The following AP2B1 variants were observed in gnomAD, a reference collection of about 807,000 sequenced individuals.
The protein encoded by AP2B1 is adaptor related protein complex 2 subunit beta 1.
A neutral mutation model predicts 102.0 loss-of-function variants in AP2B1; 23 were observed. The ratio of observed to expected loss-of-function variants is 0.23; its 90% CI spans 0.16 to 0.32. AP2B1 has a LOEUF of 0.32. AP2B1 is among the 10% of genes least tolerant of loss of function. The pLI is 1.00. For missense variants in AP2B1, 541 were observed against 1,157.4 expected (o/e 0.47, Z 7.73); for synonymous variants, 381 against 421.2 (o/e 0.90, Z 1.17).
chr17:35,691,623 C>A (rs1269778926), intron 18 of AP2B1, among the ~76,000 whole-genome samples: 2 of 152,176 alleles, frequency 1.3e-5, no homozygotes, highest in African/African-American at 4.8e-5. Context: ...ATAATGAGTC[C>A]TTGAAGTGGT....
intron 12 of AP2B1, among the ~76,000 whole-genome samples, chr17:35,646,115 G>C (rs1336977398): frequency 6.6e-6 from 1 of 152,190 alleles, no homozygotes; most frequent in African/African-American, 2.4e-5. Context: ...TATAGTTTAA[G>C]AATTACTGTT....
intron 20 of AP2B1, among the ~76,000 whole-genome samples, chr17:35,714,765 G>C (rs1443574650): frequency 1.3e-5 from 2 of 152,044 alleles, no homozygotes; most frequent in East Asian, 1.9e-4. Flanking sequence ...TTGAACGAAG[G>C]GTAACTATAT....
At chr17:35,686,993 A>C (rs2075949206) in intron 18 of AP2B1, among the ~76,000 whole-genome samples, 2 of 152,194 alleles carry the variant, frequency 1.3e-5, no homozygotes, top group African/African-American at 2.4e-5. Context: ...AAAAGAAAAG[A>C]AAAACCCAGT....
At chr17:35,661,353 G>C (rs1327555738) in intron 14 of AP2B1, among the ~76,000 whole-genome samples, 3 of 152,156 alleles carry the variant, frequency 2.0e-5, no homozygotes, top group Admixed American at 1.3e-4. Flanking sequence ...TAATCTTGCA[G>C]CCAGTGTTGA....
Position 35,631,647 on chromosome 17 carries a change from A to G in AP2B1, c.1155+3921A>G, listed in dbSNP as rs151041606. Among the ~76,000 whole-genome samples, 19 of 152,238 alleles carry G rather than the reference A, an allele frequency of 1.2e-4. 1 individual carries two copies. In the East Asian group the frequency reaches 1.3e-3, roughly 11 times the overall value. On this transcript the variant is annotated intron_variant, in intron 9 of 21. Transcript: ENST00000610402. ...ATGTCATCTTTAGTTTCTGGTTTAT[A>G]GACATAACGTGATTACTTGATAACT... is the stretch of plus-strand genomic sequence containing the variant.
intron 13 of AP2B1, among the ~76,000 whole-genome samples, chr17:35,651,313 TTA>T (rs1229273825): frequency 6.6e-6 from 1 of 152,218 alleles, no homozygotes; most frequent in African/African-American, 2.4e-5. Flanking sequence ...CTATGTGGAC[TTA>T]GTTTTTCAGT....
chr17:35,591,079 C>T (rs1221637666), intron 1 of AP2B1, among the ~76,000 whole-genome samples: 1 of 145,510 alleles, frequency 6.9e-6, no homozygotes, highest in Non-Finnish European at 1.5e-5. Context: ...AAGGCTAAGG[C>T]AGGAGAATCA....
chr17:35,669,780 C>T lies in AP2B1; in HGVS notation c.1990-1077C>T, dbSNP rs113216184. 3.1e-4 allele frequency among the ~76,000 whole-genome samples: 47 copies of T among 152,248 alleles called. No homozygotes were observed. In the East Asian group the frequency reaches 6.2e-3, roughly 20 times the overall value. Reference sequence around the variant, plus strand: ...ATGCAAAATAATTTTTACAGCTCAACGACCTGCAACTTTCTACCACTAAAT... The same window carrying T: ...ATGCAAAATAATTTTTACAGCTCAATGACCTGCAACTTTCTACCACTAAAT... On this transcript the variant is annotated intron_variant, in intron 14 of 21. Coordinates refer to ENST00000610402, the MANE Select transcript of AP2B1 (RefSeq NM_001030006.2).
chr17:35,614,864 T>G (rs1598045341), intron 5 of AP2B1, among the ~76,000 whole-genome samples: 1 of 152,296 alleles, frequency 6.6e-6, no homozygotes, highest in Non-Finnish European at 1.5e-5. Flanking sequence ...GTATGTATTT[T>G]GACTATGTGC....
At position 35,701,999 on chromosome 17, in the gene AP2B1, A is replaced by G. The variant is rs587635120; in HGVS notation, c.2455-7225A>G. Among the ~76,000 whole-genome samples, 10 of 152,352 alleles carry G rather than the reference A, an allele frequency of 6.6e-5. No individual in the cohort carries two copies. The South Asian group carries it at 1.4e-3, about 22-fold the overall frequency. ...TTGTATAGTTTATTTTACAACTGTT[A>G]TTCTTACTCAGCACCTATTCTGTGC... is the stretch of plus-strand genomic sequence containing the variant. On this transcript the variant is annotated intron_variant, in intron 18 of 21. Coordinates refer to ENST00000610402, the MANE Select transcript of AP2B1 (RefSeq NM_001030006.2).
At chr17:35,640,715 G>T (rs1319374543) in intron 11 of AP2B1, among the ~76,000 whole-genome samples, 2 of 152,192 alleles carry the variant, frequency 1.3e-5, no homozygotes, top group Non-Finnish European at 2.9e-5. Flanking sequence ...TGTCTTACAA[G>T]GTTCAGGGTG....
At chr17:35,631,115 G>T (rs867404108) in intron 9 of AP2B1, among the ~76,000 whole-genome samples, 53 of 152,164 alleles carry the variant, frequency 3.5e-4, no homozygotes, top group African/African-American at 1.2e-3. Context: ...CTATTTTTTT[G>T]TTCAATAACT....
chr17:35,624,194 G>A (rs568917334), intron 5 of AP2B1, among the ~76,000 whole-genome samples: 2 of 152,190 alleles, frequency 1.3e-5, no homozygotes, highest in South Asian at 4.1e-4. Context: ...TTTAATTCTG[G>A]GTTGCCTTAC....
At chr17:35,592,091 G>T (rs1032994007) in intron 1 of AP2B1, among the ~76,000 whole-genome samples, 7 of 152,082 alleles carry the variant, frequency 4.6e-5, no homozygotes, top group African/African-American at 1.7e-4. Context: ...ATTTGAACCA[G>T]AAGTTTTTCA....
chr17:35,655,854 TTATAGTTTTAATTTGC>T (rs1034284243), intron 13 of AP2B1, among the ~76,000 whole-genome samples: 2 of 152,218 alleles, frequency 1.3e-5, no homozygotes, highest in African/African-American at 4.8e-5. Flanking sequence ...TGGTGTCTTG[TTATAGTTTTAATTTGC>T]ATTTTCCTGA....
intron 16 of AP2B1, among the ~76,000 whole-genome samples, chr17:35,673,017 T>C (rs184146713): frequency 6.0e-4 from 92 of 152,318 alleles, no homozygotes; most frequent in African/African-American, 2.0e-3. Context: ...TTTGAATCCG[T>C]ATATCTACTG....
chr17:35,691,752 A>G (rs1160508398), intron 18 of AP2B1, among the ~76,000 whole-genome samples: 2 of 152,216 alleles, frequency 1.3e-5, no homozygotes, highest in Non-Finnish European at 2.9e-5. Flanking sequence ...TTCCATAAGC[A>G]GTATGTAGGT....
At chr17:35,682,072 C>A (rs1052611332) in intron 17 of AP2B1, among the ~76,000 whole-genome samples, 56 of 152,054 alleles carry the variant, frequency 3.7e-4, no homozygotes, top group African/African-American at 1.4e-3. Flanking sequence ...CTGGCCAACA[C>A]GGTGAAACCC....
At position 35,623,288 on chromosome 17, in the gene AP2B1, G is replaced by T. The variant is rs181093893; in HGVS notation, c.526-1109G>T. Among the ~76,000 whole-genome samples, 518 of 152,204 alleles carry T rather than the reference G, an allele frequency of 3.4e-3. 4 individuals are homozygous for T. The highest frequency in any genetic ancestry group is 6.9e-3 in the Admixed American group (106 of 15,284). ...TATAAGGTAGCAATTTTTCAGCCGG[G>T]CATGGTGGCTCACACCTGTAATCCC... On this transcript the variant is annotated intron_variant, in intron 5 of 21. Coordinates refer to ENST00000610402, the MANE Select transcript of AP2B1 (RefSeq NM_001030006.2).
Sources: gnomAD v4.1 joint callset for allele counts (sites outside exome capture counted in the v4.1 genomes callset) on GRCh38, gnomAD v4.1.1 for gene constraint, MANE v1.5 for transcripts, NCBI Gene and HGNC (gene_info 2026-07-23, HGNC 2026-07-21) for gene names.